MYOM2: variants seen among roughly 807,000 people sequenced by gnomAD.
MYOM2 encodes the protein myomesin 2.
Under a neutral mutation model 187.6 loss-of-function variants are expected in MYOM2, and 254 were observed. The observed-to-expected ratio is 1.35, with a 90% CI of 1.22 to 1.50. The LOEUF (loss-of-function observed/expected upper bound fraction) is 1.50, where lower values mean the gene tolerates loss of function less well. Ranked by LOEUF, MYOM2 falls within the 40% of genes most tolerant of loss-of-function variation. The pLI, the probability that MYOM2 is intolerant of heterozygous loss-of-function variation, is 0.00. For missense variants in MYOM2, 2,796 were observed against 1,924.0 expected (o/e 1.45, Z -8.48); for synonymous variants, 981 against 753.8 (o/e 1.30, Z -4.94).
chr8:2,137,323 C>T (rs1368732519), intron 32 of MYOM2, among the ~76,000 whole-genome samples: 3 of 151,824 alleles, frequency 2.0e-5, no homozygotes, highest in South Asian at 2.1e-4. Flanking sequence ...AGCGACAGCA[C>T]GAACAGAGCA....
intron 16 of MYOM2, among the ~76,000 whole-genome samples, chr8:2,093,582 C>G (rs139659959): frequency 6.6e-6 from 1 of 152,208 alleles, no homozygotes. Context: ...CGAGCCTAGT[C>G]CATCTGACTT....
In MYOM2 at chr8:2,143,473, C is replaced by T. The variant is rs554361386; in HGVS notation, c.4080+17C>T. On this transcript the variant is annotated intron_variant, in intron 36 of 36. Coordinates refer to ENST00000262113, the MANE Select transcript of MYOM2 (RefSeq NM_003970.4). ...GAAGGGAAGGTGAGGATTCTAAACT[C>T]GGCCGGGGTGGGGGTGTCAGCACGG... 2.7e-5 allele frequency: 44 copies of T among 1,614,014 alleles called. No individual in the cohort carries two copies. The highest frequency in any genetic ancestry group is 1.6e-4 in the Middle Eastern group (1 of 6,062).
intron 6 of MYOM2, among the ~76,000 whole-genome samples, chr8:2,064,462 G>A (rs17684206): frequency 0.037 from 5,624 of 152,284 alleles, 126 homozygotes; most frequent in Middle Eastern, 0.065. Flanking sequence ...TCAGTGGGTC[G>A]GGATCTTTGC....
chr8:2,079,572 A>G lies in MYOM2; in HGVS notation c.1475A>G (p.Glu492Gly). ...DLRRLQAVHL[E>G]GEKEIAIYQD... ...TTTCTCTCCGCAGCCGTTCATTTGG[A>G]GGGAGAGAAGGAGATTGCCATTTAT... The change falls in exon 13 of 37, where the codon GAG (glutamate) becomes GGG (glycine). Residue 492 changes from glutamate to glycine, a missense_variant. Glu to Gly is a moderately conservative substitution (Grantham distance 98, BLOSUM62 -2). Transcript: ENST00000262113. The G allele has an allele frequency of 1.9e-6, 3 of 1,614,084 alleles. No individual in the cohort carries two copies. The highest frequency in any genetic ancestry group is 1.7e-6 in the Non-Finnish European group (2 of 1,179,998).
intron 1 of MYOM2, among the ~76,000 whole-genome samples, chr8:2,049,605 G>A (rs1215005008): frequency 2.6e-5 from 4 of 152,216 alleles, no homozygotes; most frequent in Non-Finnish European, 5.9e-5. Context: ...GTGCCATGGG[G>A]CCTGGCCTAG....
At chr8:2,076,759 C>G (rs554236482) in intron 11 of MYOM2, 1 of 153,202 alleles carries the variant, frequency 6.5e-6, no homozygotes, top group South Asian at 2.1e-4. Flanking sequence ...CTTCTTGTTT[C>G]CAAGTGAAAA....
chr8:2,054,174 C>G (rs1818582279), intron 3 of MYOM2, among the ~76,000 whole-genome samples: 1 of 152,164 alleles, frequency 6.6e-6, no homozygotes, highest in African/African-American at 2.4e-5. Context: ...GCGTGCTGGA[C>G]AAGTTGGTCC....
intron 12 of MYOM2, among the ~76,000 whole-genome samples, 162 bp downstream of exon 12, chr8:2,079,095 A>C: frequency 6.6e-6 from 1 of 152,170 alleles, no homozygotes; most frequent in Non-Finnish European, 1.5e-5. Context: ...ATCTCCACCA[A>C]CATCACTACA....
chr8:2,106,257 G>T lies in MYOM2; in HGVS notation c.2750G>T (p.Ser917Ile). 2 of 1,614,174 alleles carry T rather than the reference G, an allele frequency of 1.2e-6. No individual in the cohort carries two copies. Among genetic ancestry groups the T allele is most frequent in the Non-Finnish European group, 8.5e-7 (1 of 1,180,050 alleles). The change falls in exon 22 of 37, where the codon AGT becomes ATT. Residue 917 changes from serine to isoleucine, a missense_variant. Physicochemically the swap from Ser to Ile is moderately radical, Grantham distance 142. Coordinates refer to ENST00000262113, the MANE Select transcript of MYOM2 (RefSeq NM_003970.4). Reference protein sequence around the residue: ...VEARPGTKEISAGVDEQGNIY... With the variant: ...VEARPGTKEIIAGVDEQGNIY... Reference sequence around the variant, plus strand: ...TCTTATGCAGGCACCAAGGAAATCAGTGCTGGTGTCGATGAACAAGGCAAC... The same window carrying T: ...TCTTATGCAGGCACCAAGGAAATCATTGCTGGTGTCGATGAACAAGGCAAC...
chr8:2,127,661 CGGCGTGACGCGGTGACGCAGCCGCAG>C (rs1797699803), intron 31 of MYOM2: 8 of 147,430 alleles, frequency 5.4e-5, no homozygotes, highest in Non-Finnish European at 1.2e-4. Flanking sequence ...GGCAGTACCT[CGGCGTGACGCGGTGACGCAGCCGCAG>C]GCAGGCAGTA....
chr8:2,050,924 T>C (rs1454654323), intron 2 of MYOM2, 51 bp downstream of exon 2: 1 of 1,429,210 alleles, frequency 7.0e-7, no homozygotes. Context: ...TATGGGGGTC[T>C]GACATTTAAA....
Position 2,085,544 on chromosome 8 carries a change from CCCACTGTCATGATCTCTGCGTGG to C in MYOM2, c.1644+157_1644+179del, listed in dbSNP as rs1445665595. ...CCCACTGTTGTGATCTCTGCGTGGC[CCCACTGTCATGATCTCTGCGTGG>C]CCCCACTGTTGTGATCTCTGCGTGG... On this transcript the variant is annotated intron_variant, in intron 14 of 36. Transcript: ENST00000262113. Among the ~76,000 whole-genome samples, 94 of 51,520 alleles carry C rather than the reference CCCACTGTCATGATCTCTGCGTGG, an allele frequency of 1.8e-3. 10 individuals carry two copies. Among genetic ancestry groups the C allele is most frequent in the African/African-American group, 2.5e-3 (25 of 10,094 alleles). 33.8% of individuals were successfully genotyped at this position (51,520 alleles called of 152,430 possible). A position where few individuals can be genotyped will look rare whatever the true frequency, so the allele number is the denominator to read the frequency against.
chr8:2,119,175 ATGTGGATTCATGAGATATCGTG>A (rs1347509879), intron 28 of MYOM2: 1 of 152,356 alleles, frequency 6.6e-6, no homozygotes, highest in Non-Finnish European at 1.5e-5. Flanking sequence ...CATCTGGAGC[ATGTGGATTCATGAGATATCGTG>A]TGTGGATTCA....
chr8:2,088,780 G>A (rs571705049), intron 14 of MYOM2, among the ~76,000 whole-genome samples: 9 of 152,262 alleles, frequency 5.9e-5, no homozygotes, highest in Non-Finnish European at 1.2e-4. Flanking sequence ...CATATACCCA[G>A]TAATGGGATT....
chr8:2,072,474 A>G lies in MYOM2; in HGVS notation c.923A>G (p.Lys308Arg), dbSNP rs775192642. 9 of 1,613,790 alleles carry G rather than the reference A, an allele frequency of 5.6e-6. No individual in the cohort carries two copies. In the African/African-American group the frequency reaches 1.2e-4, roughly 22 times the overall value. Residue 308 changes from lysine to arginine, a missense_variant, in exon 9 of 37, where the codon AAG becomes AGG. By Grantham distance (26) the Lys-to-Arg change is conservative. Transcript: ENST00000262113. ...ACCATGCTGGTGACGCCGGACCTGA[A>G]GCGGGTGCAGCCGCGCGCCGAGTGG... ...KCTMLVTPDL[K>R]RVQPRAEWYR... is the part of the protein sequence containing the mutation.
At chr8:2,107,042 G>A (rs926832886) in intron 23 of MYOM2, among the ~76,000 whole-genome samples, 1 of 152,202 alleles carries the variant, frequency 6.6e-6, no homozygotes, top group South Asian at 2.1e-4. Flanking sequence ...ATCTGCTGCT[G>A]TGTTACCCAT....
At chr8:2,121,250 G>C (rs1585942349) in intron 28 of MYOM2, among the ~76,000 whole-genome samples, 1 of 152,148 alleles carries the variant, frequency 6.6e-6, no homozygotes, top group South Asian at 2.1e-4. Context: ...GAGCAAGTCA[G>C]TGTGACTTGG....
chr8:2,072,404 G>A lies in MYOM2; in HGVS notation c.853G>A (p.Gly285Arg), dbSNP rs771859860. 1 of 1,614,180 alleles carries A rather than the reference G, an allele frequency of 6.2e-7. No individual in the cohort carries two copies. Among genetic ancestry groups the A allele is most frequent in the South Asian group, 1.1e-5 (1 of 91,086 alleles). ...CGACGTCCAGTTTTTGGAGAAGTTT[G>A]GGGTCACCTTCAGGAGGGAAGGCGA... ...HFDVQFLEKF[G>R]VTFRREGETV... Residue 285 changes from glycine to arginine, a missense_variant, in exon 9 of 37, where the codon GGG (glycine) becomes AGG (arginine). By Grantham distance (125) the Gly-to-Arg change is moderately radical (BLOSUM62 -2). Coordinates refer to ENST00000262113, the MANE Select transcript of MYOM2 (RefSeq NM_003970.4).
intron 18 of MYOM2, among the ~76,000 whole-genome samples, chr8:2,097,768 C>T (rs1407873736): frequency 1.3e-5 from 2 of 152,210 alleles, no homozygotes; most frequent in African/African-American, 2.4e-5. Context: ...CTGCCCGCCT[C>T]AGCCTCCCAA....
Sources: gnomAD v4.1 joint callset for allele counts (sites outside exome capture counted in the v4.1 genomes callset) on GRCh38, gnomAD v4.1.1 for gene constraint, MANE v1.5 for transcripts, NCBI Gene and HGNC (gene_info 2026-07-23, HGNC 2026-07-21) for gene names.